Variants in RBBP6 observed in about 807,000 individuals in gnomAD.
The protein encoded by RBBP6 is E3 ubiquitin-protein ligase RBBP6.
RBBP6 carries 25 observed loss-of-function variants against 167.7 expected under a neutral mutation model. The observed-to-expected ratio is 0.15, with a 90% CI of 0.11 to 0.21. RBBP6 has a LOEUF of 0.21. Ranked by LOEUF, RBBP6 falls within the 10% of genes least tolerant of loss-of-function variation. RBBP6 has a pLI of 1.00. For missense variants in RBBP6, 1,868 were observed against 2,134.2 expected, an observed-to-expected ratio of 0.88 and a Z score of 2.46; for synonymous variants, 789 against 735.8, an observed-to-expected ratio of 1.07 and a Z score of -1.17.
Position 24,570,412 on chromosome 16 carries a change from A to T in RBBP6, c.3722A>T (p.Lys1241Ile), listed in dbSNP as rs781242790. 4 of 1,610,700 alleles carry T rather than the reference A, an allele frequency of 2.5e-6. No homozygotes were observed. Among genetic ancestry groups the T allele is most frequent in the African/African-American group, 1.3e-5 (1 of 74,530 alleles). The change falls in exon 17 of 18, where the codon AAA becomes ATA. Residue 1241 changes from lysine to isoleucine, a missense_variant. By Grantham distance (102) the Lys-to-Ile change is moderately radical. Coordinates refer to ENST00000319715, the MANE Select transcript of RBBP6 (RefSeq NM_006910.5). Reference sequence around the variant, plus strand: ...GAAAAATTGGAGTCAACATCTAGCAAAGTTAAACAAGAAAAAGTCAAAGGA... The same window carrying T: ...GAAAAATTGGAGTCAACATCTAGCATAGTTAAACAAGAAAAAGTCAAAGGA... ...PSEKLESTSS[K>I]VKQEKVKGKV...
In RBBP6 at chr16:24,569,345, T is replaced by C. The variant is rs891740708; in HGVS notation, c.2655T>C (p.Gly885=). 6.2e-7 allele frequency: 1 copy of C among 1,613,936 alleles called. No homozygotes were observed. The highest frequency in any genetic ancestry group is 8.5e-7 in the Non-Finnish European group (1 of 1,179,992). ...FTRGRREDYV[G]GQSHRSRNIG... ...GAGGCCGCAGAGAAGACTATGTTGG[T>C]GGGCAAAGTCATAGAAGTCGAAACA... The change falls in exon 17 of 18, where the codon GGT becomes GGC. Residue 885 remains glycine, a synonymous_variant. Transcript: ENST00000319715.
chr16:24,567,536 C>T, intron 15 of RBBP6, 31 bp downstream of exon 15: 1 of 1,553,776 alleles, frequency 6.4e-7, no homozygotes, highest in Non-Finnish European at 8.7e-7. Flanking sequence ...TTATTATACA[C>T]TTTTTTCATT....
chr16:24,548,240 C>A (rs754725485), intron 2 of RBBP6, among the ~76,000 whole-genome samples: 1 of 151,832 alleles, frequency 6.6e-6, no homozygotes, highest in Admixed American at 6.6e-5. Flanking sequence ...CAGTTCTACA[C>A]AGCCATTTAA....
Position 24,570,149 on chromosome 16 carries a change from A to G in RBBP6, c.3459A>G (p.Glu1153=), listed in dbSNP as rs1190559186. The G allele has an allele frequency of 4.4e-6, 7 of 1,589,054 alleles. No homozygotes were observed. The highest frequency in any genetic ancestry group is 1.7e-4 in the Middle Eastern group (1 of 5,920). ...KGEKRKRKTE[E]KGVDKDFESS... ...AAAAAAGAAAAAGAAAAACTGAAGA[A>G]AAAGGCGTAGATAAAGATTTTGAGT... Residue 1153 remains glutamate (E), a synonymous_variant, in exon 17 of 18, where the codon GAA becomes GAG. Transcript: ENST00000319715.
In RBBP6 at chr16:24,569,969, T is replaced by C. The variant is rs776604413; in HGVS notation, c.3279T>C (p.Ser1093=). The C allele has an allele frequency of 2.2e-5, 35 of 1,598,692 alleles. No homozygotes were observed. Among genetic ancestry groups the C allele is most frequent in the Middle Eastern group, 3.4e-4 (2 of 5,970 alleles). Residue 1093 remains serine (S), a synonymous_variant, in exon 17 of 18, where the codon TCT becomes TCC. Transcript: ENST00000319715. ...KITGTPRKAH[S]KSAKEHQETK... is the part of the protein sequence containing the mutation. Reference sequence around the variant, plus strand: ...CTGGAACCCCCAGAAAAGCTCACTCTAAATCAGCAAAAGAACACCAAGAAA... The same window carrying C: ...CTGGAACCCCCAGAAAAGCTCACTCCAAATCAGCAAAAGAACACCAAGAAA...
rs1393775049 is a variant in RBBP6, at chr16:24,568,935, A to G, written c.2245A>G (p.Arg749Gly). 3 of 1,614,136 alleles carry G rather than the reference A, an allele frequency of 1.9e-6. No homozygotes were observed. Among genetic ancestry groups the G allele is most frequent in the Non-Finnish European group, 1.7e-6 (2 of 1,180,032 alleles). The change falls in exon 17 of 18, where the codon AGA becomes GGA. Residue 749 changes from arginine to glycine, a missense_variant. Coordinates refer to ENST00000319715, the MANE Select transcript of RBBP6 (RefSeq NM_006910.5). ...GKSRNYRSRS[R>G]SHGYHRSRSR... is the part of the protein sequence containing the mutation. ...GAGCCGCAATTACCGTTCACGGTCT[A>G]GATCTCATGGATATCATCGATCTAG...
At position 24,572,318 on chromosome 16, in the gene RBBP6, C is replaced by G. The variant is rs1157904497; in HGVS notation, c.5252C>G (p.Ala1751Gly). The G allele has an allele frequency of 1.9e-6, 3 of 1,569,780 alleles. No homozygotes were observed. Among genetic ancestry groups the G allele is most frequent in the Non-Finnish European group, 2.6e-6 (3 of 1,156,842 alleles). Residue 1751 changes from alanine to glycine, a missense_variant, in exon 18 of 18, where the codon GCA (alanine) becomes GGA (glycine). This residue lies in a region of RBBP6 where 591 missense variants were observed against 540.5 expected (regional missense o/e 1.09). Transcript: ENST00000319715. ...HKKHKKHKKH[A>G]GTEVELEKSQ... ...AAGCATAAGAAGCATAAGAAACATG[C>G]AGGCACTGAAGTGGAATTGGAAAAA...
intron 4 of RBBP6, chr16:24,554,367 C>T (rs1182394087): frequency 6.6e-6 from 1 of 151,636 alleles, no homozygotes; most frequent in Non-Finnish European, 1.5e-5. Flanking sequence ...TCCAAAAATC[C>T]TTTTTCCCTG....
chr16:24,556,243 T>C, intron 6 of RBBP6, 65 bp from the exon 7 acceptor site: 1 of 1,322,738 alleles, frequency 7.6e-7, no homozygotes, highest in South Asian at 1.3e-5. Context: ...TAACATTAGC[T>C]AATTTATTAA....
intron 1 of RBBP6, among the ~76,000 whole-genome samples, chr16:24,544,557 T>A (rs867180058): frequency 1.3e-5 from 2 of 152,216 alleles, no homozygotes; most frequent in Non-Finnish European, 1.5e-5. Context: ...GATAGTCACT[T>A]TGTGCAGAGT....
Position 24,572,166 on chromosome 16 carries a change from C to T in RBBP6, c.5100C>T (p.Pro1700=), listed in dbSNP as rs1360886984. The T allele has an allele frequency of 4.3e-6, 7 of 1,614,018 alleles. No individual in the cohort carries two copies. Among genetic ancestry groups the T allele is most frequent in the Non-Finnish European group, 8.5e-7 (1 of 1,180,044 alleles). Residue 1700 remains proline, a synonymous_variant, in exon 18 of 18, where the codon CCC becomes CCT. Transcript: ENST00000319715. ...NQSHSSPSVS[P]SRSHSPSGSQ... ...GCCACAGCAGCCCCAGCGTCAGCCC[C>T]AGCAGAAGCCACAGTCCTTCTGGAA...
rs1192936281 is a variant in RBBP6 at position 24,562,093 on chromosome 16, T to C, written c.1221T>C (p.Ala407=). 1.9e-6 allele frequency: 3 copies of C among 1,613,422 alleles called. No individual in the cohort carries two copies. Among genetic ancestry groups the C allele is most frequent in the East Asian group, 4.5e-5 (2 of 44,900 alleles). The change falls in exon 10 of 18, where the codon GCT becomes GCC. Residue 407 remains alanine, a synonymous_variant. Coordinates refer to ENST00000319715, the MANE Select transcript of RBBP6 (RefSeq NM_006910.5). ...CTGGAAATCCGTCTTCTGCTCCAGC[T>C]CCTGTACCTGATATAACTGCAACAG... is the stretch of plus-strand genomic sequence containing the variant. ...PVSGNPSSAP[A]PVPDITATVS...
At chr16:24,552,043 T>C (rs1485486997) in intron 3 of RBBP6, among the ~76,000 whole-genome samples, 1 of 151,802 alleles carries the variant, frequency 6.6e-6, no homozygotes, top group Non-Finnish European at 1.5e-5. Flanking sequence ...TGATAACCCA[T>C]TGGCAAATTA....
In RBBP6 at chr16:24,553,154, A is replaced by T. The variant is rs189245032; in HGVS notation, c.304-359A>T. On this transcript the variant is annotated intron_variant, in intron 3 of 17. Transcript: ENST00000319715. ...TGTATAATGGCCTTGCAGGAAAATT[A>T]GATTTCTTATTCTCTCTTCCAGTGT... 2.4e-5 allele frequency: 4 copies of T among 168,638 alleles called. No homozygotes were observed. In the East Asian group the frequency reaches 6.4e-4, roughly 27 times the overall value. The allele number at this position is 168,638 out of a possible 1,614,324, so 10.4% of individuals were successfully genotyped here.
chr16:24,556,719 C>T (rs918240302), intron 7 of RBBP6, among the ~76,000 whole-genome samples: 1 of 152,266 alleles, frequency 6.6e-6, no homozygotes, highest in East Asian at 1.9e-4. Flanking sequence ...CTGCTTTCTT[C>T]CTCATTCACA....
At chr16:24,564,979 G>C (rs1017872116) in intron 14 of RBBP6, 114 bp downstream of exon 14, 57 of 1,445,686 alleles carry the variant, frequency 3.9e-5, no homozygotes, top group Non-Finnish European at 5.1e-5. Flanking sequence ...TGTTTGTATT[G>C]TGCTTATCCC....
intron 1 of RBBP6, among the ~76,000 whole-genome samples, chr16:24,544,381 A>G (rs1227810901): frequency 6.6e-6 from 1 of 152,182 alleles, no homozygotes; most frequent in African/African-American, 2.4e-5. Context: ...CTCTAATTGA[A>G]TGCCTGTGAG....
At chr16:24,568,533 A>C (rs918556143) in intron 16 of RBBP6, among the ~76,000 whole-genome samples, 1 of 152,220 alleles carries the variant, frequency 6.6e-6, no homozygotes, top group South Asian at 2.1e-4. Flanking sequence ...CTAATTGTTA[A>C]GACTTCACTT....
rs374395303 is a variant in RBBP6 at position 24,561,840 on chromosome 16, A to G, written c.968A>G (p.Lys323Arg). ...TATCTGTAGGCTGTAAATAACTTCA[A>G]AAATGAAACTGGCTATACAAAAAGA... is the stretch of plus-strand genomic sequence containing the variant. Reference protein sequence around the residue: ...KFLRQAVNNFKNETGYTKRLR... With the variant: ...KFLRQAVNNFRNETGYTKRLR... The change falls in exon 10 of 18, where the codon AAA (lysine) becomes AGA (arginine). Residue 323 changes from lysine (K) to arginine (R), a missense_variant. Physicochemically the swap from Lys to Arg is conservative, Grantham distance 26. Around this residue, in one of 7 missense-constraint regions of RBBP6, gnomAD observed 11 missense variants for 69.7 expected, o/e 0.16. Coordinates refer to ENST00000319715, the MANE Select transcript of RBBP6 (RefSeq NM_006910.5). 20 of 1,610,654 alleles carry G rather than the reference A, an allele frequency of 1.2e-5. No individual in the cohort carries two copies. Among genetic ancestry groups the G allele is most frequent in the East Asian group, 6.7e-5 (3 of 44,826 alleles).
Sources: gnomAD v4.1 joint callset for allele counts (sites outside exome capture counted in the v4.1 genomes callset) on GRCh38, gnomAD v4.1.1 for gene constraint, gnomAD v4.1.1 regional missense constraint, MANE v1.5 for transcripts, NCBI Gene and HGNC (gene_info 2026-07-23, HGNC 2026-07-21) for gene names.